ARHGAP24: variants seen among roughly 807,000 people sequenced by gnomAD.
ARHGAP24 encodes rho GTPase-activating protein 24.
ARHGAP24 carries 50 observed loss-of-function variants against 76.4 expected under a neutral mutation model. That is an observed-to-expected ratio of 0.65 (90% confidence interval 0.52 to 0.83). The LOEUF is 0.83. Among genes scored for constraint, ARHGAP24 ranks in the 40% least tolerant of loss-of-function variants. The pLI is 0.00. For synonymous variants in ARHGAP24, 345 were observed against 323.3 expected, an observed-to-expected ratio of 1.07 and a Z score of -0.72; for missense variants, 930 against 914.2, an observed-to-expected ratio of 1.02 and a Z score of -0.22.
intron 1 of ARHGAP24, among the ~76,000 whole-genome samples, chr4:85,476,182 A>G (rs538236805): frequency 2.4e-4 from 37 of 151,816 alleles, no homozygotes; most frequent in African/African-American, 8.9e-4. Flanking sequence ...TGTTTTTAAA[A>G]ATAACATTTA....
intron 3 of ARHGAP24, among the ~76,000 whole-genome samples, chr4:85,807,686 T>C (rs1308193233): frequency 6.6e-6 from 1 of 152,158 alleles, no homozygotes; most frequent in Admixed American, 6.6e-5. Flanking sequence ...GTTGCCTCTG[T>C]GCCAAGACCA....
intron 2 of ARHGAP24, among the ~76,000 whole-genome samples, chr4:85,646,063 C>T (rs373255591): frequency 6.6e-6 from 1 of 152,126 alleles, no homozygotes; most frequent in East Asian, 1.9e-4. Flanking sequence ...TACAAAATAA[C>T]AAGAGTAAGT....
At chr4:85,923,496 C>A in intron 3 of ARHGAP24, 152 bp from the exon 4 acceptor site, 1 of 1,103,778 alleles carries the variant, frequency 9.1e-7, no homozygotes, top group Non-Finnish European at 1.3e-6. Flanking sequence ...ATTTTTCTTT[C>A]CACTCAGAAA....
At chr4:85,620,439 A>G (rs1372684596) in intron 2 of ARHGAP24, among the ~76,000 whole-genome samples, 2 of 151,782 alleles carry the variant, frequency 1.3e-5, no homozygotes, top group African/African-American at 4.8e-5. Context: ...TTTTTGGTGT[A>G]TAATTGTTCA....
At chr4:85,742,862 A>C (rs1392800102) in intron 3 of ARHGAP24, among the ~76,000 whole-genome samples, 1 of 152,232 alleles carries the variant, frequency 6.6e-6, no homozygotes, top group Non-Finnish European at 1.5e-5. Context: ...TATAAGCAAC[A>C]GATAATTTCT....
chr4:85,489,999 G>A (rs1723292807), intron 1 of ARHGAP24, among the ~76,000 whole-genome samples: 1 of 152,150 alleles, frequency 6.6e-6, no homozygotes, highest in Non-Finnish European at 1.5e-5. Context: ...GAAATGCCAA[G>A]CAATTAGTGT....
At position 85,969,310 on chromosome 4, in the gene ARHGAP24, T is replaced by A. The variant is rs765900316; in HGVS notation, c.600-2726T>A. ...AATAGTCAATGTAATAAATAGATCATCAATGAAACTTTACAGCAGATTTCT... is the reference window on the plus strand; with the variant it reads ...AATAGTCAATGTAATAAATAGATCAACAATGAAACTTTACAGCAGATTTCT... On this transcript the variant is annotated intron_variant, in intron 5 of 9. Transcript: ENST00000395184. Among the ~76,000 whole-genome samples, 41 of 152,272 alleles carry A rather than the reference T, an allele frequency of 2.7e-4. No homozygotes were observed. The Middle Eastern group carries it at 0.01, about 38-fold the overall frequency.
intron 3 of ARHGAP24, among the ~76,000 whole-genome samples, chr4:85,917,224 C>T (rs894452951): frequency 3.0e-4 from 45 of 152,084 alleles, no homozygotes; most frequent in Non-Finnish European, 4.7e-4. Context: ...CATCCATGTC[C>T]CTACAAAGGA....
At chr4:85,960,784 G>A (rs1738197095) in intron 5 of ARHGAP24, among the ~76,000 whole-genome samples, 1 of 152,056 alleles carries the variant, frequency 6.6e-6, no homozygotes, top group Admixed American at 6.6e-5. Flanking sequence ...AAGGCCAAAT[G>A]CCTGCCTGGG....
At chr4:85,967,852 T>C (rs1396456335) in intron 5 of ARHGAP24, among the ~76,000 whole-genome samples, 1 of 152,154 alleles carries the variant, frequency 6.6e-6, no homozygotes, top group Admixed American at 6.6e-5. Flanking sequence ...TTTGTGATTC[T>C]AGAATCTAAC....
intron 2 of ARHGAP24, among the ~76,000 whole-genome samples, chr4:85,662,361 G>T (rs1174116992): frequency 6.6e-6 from 1 of 151,090 alleles, no homozygotes; most frequent in East Asian, 1.9e-4. Context: ...TTTTGATGGG[G>T]TTGTTTGTTT....
intron 2 of ARHGAP24, among the ~76,000 whole-genome samples, chr4:85,666,287 C>G (rs950387942): frequency 2.0e-5 from 3 of 152,196 alleles, no homozygotes; most frequent in African/African-American, 7.2e-5. Flanking sequence ...CACTGATACC[C>G]TTTCTTCCAG....
intron 1 of ARHGAP24, among the ~76,000 whole-genome samples, chr4:85,487,639 T>C (rs1362341636): frequency 5.5e-5 from 6 of 108,726 alleles, no homozygotes; most frequent in Admixed American, 1.3e-4. Context: ...ACATATTATA[T>C]AAACATATAT....
intron 5 of ARHGAP24, among the ~76,000 whole-genome samples, chr4:85,954,678 A>AGATCCTT (rs2148835440): frequency 6.6e-6 from 1 of 152,314 alleles, no homozygotes; most frequent in East Asian, 1.9e-4. Flanking sequence ...TAAAATTGGA[A>AGATCCTT]GATCCTTGCT....
intron 5 of ARHGAP24, among the ~76,000 whole-genome samples, chr4:85,954,786 T>C (rs1737814338): frequency 6.6e-6 from 1 of 152,230 alleles, no homozygotes; most frequent in South Asian, 2.1e-4. Flanking sequence ...GGCGGGTGTA[T>C]CACCTGAGGT....
At chr4:85,902,896 G>A (rs188274217) in intron 3 of ARHGAP24, among the ~76,000 whole-genome samples, 3 of 152,322 alleles carry the variant, frequency 2.0e-5, no homozygotes, top group Admixed American at 6.5e-5. Flanking sequence ...GAGCCACTGC[G>A]CCCGGCCACA....
intron 2 of ARHGAP24, among the ~76,000 whole-genome samples, chr4:85,612,572 T>A (rs995265458): frequency 3.9e-5 from 6 of 152,140 alleles, no homozygotes; most frequent in Non-Finnish European, 8.8e-5. Context: ...GAATGCTTTT[T>A]ATTCATTTCT....
intron 2 of ARHGAP24, among the ~76,000 whole-genome samples, chr4:85,721,414 A>G (rs531075973): frequency 3.2e-4 from 48 of 152,084 alleles, no homozygotes; most frequent in Middle Eastern, 3.4e-3. Flanking sequence ...AACAAAAAAA[A>G]AAAAGAAAAG....
chr4:85,605,169 G>A (rs962103308), intron 2 of ARHGAP24, among the ~76,000 whole-genome samples: 3 of 152,010 alleles, frequency 2.0e-5, no homozygotes, highest in African/African-American at 7.2e-5. Context: ...GATTTTTTAT[G>A]TTTTCTGTAA....
Sources: allele counts gnomAD v4.1 joint callset (sites outside exome capture counted in the v4.1 genomes callset), GRCh38; gene constraint gnomAD v4.1.1; transcripts MANE v1.5; gene names NCBI Gene and HGNC (gene_info 2026-07-23, HGNC 2026-07-21).